The following MGMT variants were observed in gnomAD, a reference collection of about 807,000 sequenced individuals.
MGMT encodes methylated-DNA--protein-cysteine methyltransferase.
A neutral mutation model predicts 15.9 loss-of-function variants in MGMT; 14 were observed. That is an observed-to-expected ratio of 0.88 (90% CI 0.58 to 1.37). The LOEUF (loss-of-function observed/expected upper bound fraction) is 1.37, where lower values mean the gene tolerates loss of function less well. Among genes scored for constraint, MGMT ranks in the 40% most tolerant of loss-of-function variants. The pLI is 0.00. For missense variants in MGMT, 282 were observed against 268.1 expected (o/e 1.05, Z -0.36); for synonymous variants, 130 against 118.2 (o/e 1.10, Z -0.65).
intron 2 of MGMT, among the ~76,000 whole-genome samples, chr10:129,646,944 C>T (rs1847402606): frequency 6.6e-6 from 1 of 151,236 alleles, no homozygotes; most frequent in Admixed American, 6.6e-5. Flanking sequence ...CCCCTCTGGC[C>T]CGTCTCGCAT....
chr10:129,533,047 GGCAGAGCA>G lies in MGMT; in HGVS notation c.-12-3191_-12-3184del, dbSNP rs1195685653. On this transcript the variant is annotated intron_variant, in intron 1 of 4. Coordinates refer to ENST00000651593, the MANE Select transcript of MGMT (RefSeq NM_002412.5). This position sits in a 1 kb window ranked among gnomAD's most constrained non-coding sequence, Gnocchi z 4.5. The stretch of plus-strand genomic sequence containing the variant: ...TCGAATCGGGAGCAGGTCCCACGGA[GGCAGAGCA>G]GCCGAGAATCAACGGTGGCCATAGC... Among the ~76,000 whole-genome samples the G allele has an allele frequency of 6.6e-6, 1 of 152,250 alleles. No individual in the cohort carries two copies. Among genetic ancestry groups the G allele is most frequent in the Non-Finnish European group, 1.5e-5 (1 of 68,044 alleles).
chr10:129,655,536 G>A (rs984456656), intron 2 of MGMT, among the ~76,000 whole-genome samples: 22 of 152,212 alleles, frequency 1.4e-4, no homozygotes, highest in African/African-American at 5.1e-4. Context: ...TTGTCTCCTT[G>A]TGACCCTTGC....
At chr10:129,734,012 CT>C (rs1188323789) in intron 3 of MGMT, among the ~76,000 whole-genome samples, 3 of 151,196 alleles carry the variant, frequency 2.0e-5, no homozygotes, top group Non-Finnish European at 4.4e-5. Flanking sequence ...CAGCTTTGTT[CT>C]TTTGGCTTAG....
rs956918387 is a variant in MGMT at position 129,768,952 on chromosome 10, C to T, written c.*1955C>T. 1 of 152,294 alleles carries T rather than the reference C, an allele frequency of 6.6e-6. No homozygotes were observed. Among genetic ancestry groups the T allele is most frequent in the African/African-American group, 2.4e-5 (1 of 41,470 alleles). The allele number at this position is 152,294 out of a possible 1,614,324, so 9.4% of individuals were successfully genotyped here. The stretch of plus-strand genomic sequence containing the variant: ...AAGCCTCCCAGTGAGATCTTCAGGT[C>T]TCTCATCAGGCACAGGCTCTGAGGG... On this transcript the variant is annotated 3_prime_UTR_variant, in exon 5 of 5. Coordinates refer to ENST00000651593, the MANE Select transcript of MGMT (RefSeq NM_002412.5).
At chr10:129,584,394 A>G (rs1183271384) in intron 2 of MGMT, among the ~76,000 whole-genome samples, 1 of 152,058 alleles carries the variant, frequency 6.6e-6, no homozygotes, top group Non-Finnish European at 1.5e-5. Flanking sequence ...CATATTTCAA[A>G]AAGCATGTAT....
At chr10:129,759,529 C>T (rs539682559) in intron 4 of MGMT, among the ~76,000 whole-genome samples, 188 bp downstream of exon 4, 2 of 152,160 alleles carry the variant, frequency 1.3e-5, no homozygotes, top group African/African-American at 4.8e-5. Flanking sequence ...CCCAGCACTA[C>T]ACTCCTGGAA....
chr10:129,492,219 A>T (rs55838448), intron 1 of MGMT, among the ~76,000 whole-genome samples: 1 of 152,014 alleles, frequency 6.6e-6, no homozygotes, highest in South Asian at 2.1e-4. Context: ...CCCTTTGAGC[A>T]TGGTCTTTTG....
chr10:129,657,420 C>A (rs796525432), intron 2 of MGMT, among the ~76,000 whole-genome samples: 1 of 149,756 alleles, frequency 6.7e-6, no homozygotes. Flanking sequence ...GGGGGGGGAG[C>A]AACAAACAAA....
At chr10:129,680,057 T>C (rs1589932600) in intron 2 of MGMT, among the ~76,000 whole-genome samples, 1 of 152,224 alleles carries the variant, frequency 6.6e-6, no homozygotes. Context: ...TGTACAATGG[T>C]GCAATTCAGT....
chr10:129,658,541 C>T (rs935340191), intron 2 of MGMT, among the ~76,000 whole-genome samples: 3 of 152,152 alleles, frequency 2.0e-5, no homozygotes, highest in African/African-American at 7.2e-5. Flanking sequence ...TTCCCATTAA[C>T]GTCAGTGAGT....
rs529335917 is a variant in MGMT, at chr10:129,646,917, G to A, written c.126-60978G>A. Among the ~76,000 whole-genome samples, 15 of 151,112 alleles carry A rather than the reference G, an allele frequency of 9.9e-5. No individual in the cohort carries two copies. In the South Asian group the frequency reaches 2.1e-3, roughly 21 times the overall value. On this transcript the variant is annotated intron_variant, in intron 2 of 4. Coordinates refer to ENST00000651593, the MANE Select transcript of MGMT (RefSeq NM_002412.5). ...CTGTATGGTGAGTGTGGGCATGGCC[G>A]CCCCTCCGTCCTCTTTCCCCTCTGG...
chr10:129,638,216 T>A (rs1237349973), intron 2 of MGMT, among the ~76,000 whole-genome samples: 3 of 151,958 alleles, frequency 2.0e-5, no homozygotes, highest in Non-Finnish European at 4.4e-5. Context: ...AACCCGGTGG[T>A]TATACAGCTT....
intron 2 of MGMT, among the ~76,000 whole-genome samples, chr10:129,630,126 G>A (rs776843308): frequency 1.3e-5 from 2 of 152,160 alleles, no homozygotes; most frequent in Non-Finnish European, 2.9e-5. Context: ...CTGGCCAGCC[G>A]CGTCCACCTG....
intron 2 of MGMT, among the ~76,000 whole-genome samples, chr10:129,579,387 G>T (rs1319233017): frequency 6.6e-6 from 1 of 152,210 alleles, no homozygotes; most frequent in Non-Finnish European, 1.5e-5. Flanking sequence ...AGCATGGCAT[G>T]GAGGGTGGGC....
At chr10:129,655,080 G>A (rs1443045503) in intron 2 of MGMT, among the ~76,000 whole-genome samples, 1 of 152,204 alleles carries the variant, frequency 6.6e-6, no homozygotes, top group South Asian at 2.1e-4. Context: ...GCACACTACC[G>A]AGGTGCTCCT....
At chr10:129,476,120 A>C (rs1845291155) in intron 1 of MGMT, among the ~76,000 whole-genome samples, 1 of 152,234 alleles carries the variant, frequency 6.6e-6, no homozygotes, top group African/African-American at 2.4e-5. Flanking sequence ...GCCTTGAGGC[A>C]GAAGCAGTCG....
intron 1 of MGMT, among the ~76,000 whole-genome samples, chr10:129,490,457 A>G (rs1235915661): frequency 3.3e-5 from 5 of 151,906 alleles, no homozygotes; most frequent in Admixed American, 1.3e-4. Context: ...AACTTTGGCC[A>G]AACTAGTGGT....
intron 1 of MGMT, among the ~76,000 whole-genome samples, chr10:129,513,791 T>G (rs1469551029): frequency 1.3e-5 from 2 of 152,218 alleles, no homozygotes; most frequent in Non-Finnish European, 2.9e-5. Flanking sequence ...GGAGCGTCTT[T>G]TCTTCATTGC....
At chr10:129,650,915 G>A (rs1183352731) in intron 2 of MGMT, among the ~76,000 whole-genome samples, 2 of 152,294 alleles carry the variant, frequency 1.3e-5, no homozygotes, top group Non-Finnish European at 2.9e-5. Context: ...CATGGCTCCC[G>A]CATTGTGGCC....
Sources: allele counts gnomAD v4.1 joint callset (sites outside exome capture counted in the v4.1 genomes callset), GRCh38; gene constraint gnomAD v4.1.1; non-coding constraint Gnocchi (gnomAD v3.1); transcripts MANE v1.5; gene names NCBI Gene and HGNC (gene_info 2026-07-23, HGNC 2026-07-21).